DARS1: variants seen among roughly 807,000 people sequenced by gnomAD.
DARS1 encodes aspartyl-tRNA synthetase 1.
Under a neutral mutation model 68.8 loss-of-function variants are expected in DARS1, and 51 were observed. The ratio of observed to expected loss-of-function variants is 0.74; its 90% CI spans 0.59 to 0.94. The LOEUF is 0.94. Ranked by LOEUF, DARS1 falls within the 40% of genes least tolerant of loss-of-function variation. DARS1 has a pLI of 0.00. For synonymous variants in DARS1, 203 were observed against 190.4 expected (o/e 1.07, Z -0.55); for missense variants, 607 against 597.3 (o/e 1.02, Z -0.17).
At position 135,907,040 on chromosome 2, in the gene DARS1, T is replaced by C. The variant is rs1575379416; in HGVS notation, c.*276A>G. On this transcript the variant is annotated 3_prime_UTR_variant, in exon 16 of 16. Transcript: ENST00000264161. ...AGTAACAGAATATGAATTTGTAACA[T>C]AACCATATGAATTTCTCAAGTTATT... 3 of 217,300 alleles carry C rather than the reference T, an allele frequency of 1.4e-5. No individual in the cohort carries two copies. The East Asian group carries it at 3.2e-4, about 23-fold the overall frequency. The allele number at this position is 217,300 out of a possible 1,614,324, so 13.5% of individuals were successfully genotyped here. A position where few individuals can be genotyped will look rare whatever the true frequency, so the allele number is the denominator to read the frequency against.
chr2:135,951,074 AT>A (rs1451061318), intron 4 of DARS1, among the ~76,000 whole-genome samples: 1 of 152,204 alleles, frequency 6.6e-6, no homozygotes, highest in East Asian at 1.9e-4. Context: ...GGGGAGGCAG[AT>A]TGGTGGAAAT....
intron 5 of DARS1, among the ~76,000 whole-genome samples, chr2:135,938,547 T>A (rs898503092): frequency 1.3e-5 from 2 of 152,200 alleles, no homozygotes; most frequent in Non-Finnish European, 2.9e-5. Flanking sequence ...AGGAGCTGCG[T>A]TCCTTTGGAG....
Position 135,907,291 on chromosome 2 carries a change from T to A in DARS1, c.*25A>T. The A allele has an allele frequency of 7.7e-7, 1 of 1,303,364 alleles. No homozygotes were observed. 80.7% of individuals were successfully genotyped at this position (1,303,364 alleles called of 1,614,324 possible). A position where few individuals can be genotyped will look rare whatever the true frequency, so the allele number is the denominator to read the frequency against. Reference sequence around the variant, plus strand: ...CAGGGTCTCGCTCTGTCATCCACACTGGAGTTAAGTGGCAAAGTGTGAATT... The same window carrying A: ...CAGGGTCTCGCTCTGTCATCCACACAGGAGTTAAGTGGCAAAGTGTGAATT... On this transcript the variant is annotated 3_prime_UTR_variant, in exon 16 of 16. Transcript: ENST00000264161.
At chr2:135,974,191 A>C (rs1342317153) in intron 3 of DARS1, among the ~76,000 whole-genome samples, 1 of 152,204 alleles carries the variant, frequency 6.6e-6, no homozygotes, top group Non-Finnish European at 1.5e-5. Context: ...ACTGTGTTTG[A>C]CTTTAATTGG....
At chr2:135,971,755 C>T (rs1682375081) in intron 3 of DARS1, among the ~76,000 whole-genome samples, 1 of 151,932 alleles carries the variant, frequency 6.6e-6, no homozygotes, top group Non-Finnish European at 1.5e-5. Flanking sequence ...TTGAAGGATA[C>T]AAAATCAACA....
chr2:135,909,382 TTGTA>T, intron 15 of DARS1, among the ~76,000 whole-genome samples: 1 of 152,332 alleles, frequency 6.6e-6, no homozygotes, highest in Admixed American at 6.5e-5. Flanking sequence ...TTGACAAAAA[TTGTA>T]TGTATTTACA....
intron 10 of DARS1, 110 bp from the exon 11 acceptor site, chr2:135,916,482 G>A (rs1223302164): frequency 2.2e-5 from 11 of 499,082 alleles, no homozygotes; most frequent in African/African-American, 5.8e-5. Context: ...ATATACACCA[G>A]GAAAAGCATT....
At chr2:135,912,384 C>T in intron 13 of DARS1, 102 bp downstream of exon 13, 1 of 537,662 alleles carries the variant, frequency 1.9e-6, no homozygotes. Flanking sequence ...ATCAAAACTG[C>T]AAATTATTAA....
chr2:135,975,078 C>T (rs1244736532), intron 3 of DARS1, among the ~76,000 whole-genome samples: 2 of 152,184 alleles, frequency 1.3e-5, no homozygotes, highest in Non-Finnish European at 2.9e-5. Flanking sequence ...GGCATAGTGG[C>T]TCACGCCTGT....
In DARS1 at chr2:135,979,332, T is replaced by G. The variant is rs770561522; in HGVS notation, c.159A>C (p.Ile53=). ...CCCAAACAACTTCATCAGCTTTTTG[T>G]ATTGTCAAGTCTCTAACCCGAACCA... ...RVLVRVRDLT[I]QKADEVVWVR... The change falls in exon 3 of 16, where the codon ATA becomes ATC. Residue 53 remains isoleucine (I), a synonymous_variant. Coordinates refer to ENST00000264161, the MANE Select transcript of DARS1 (RefSeq NM_001349.4). 2.0e-6 allele frequency: 3 copies of G among 1,502,956 alleles called. No individual in the cohort carries two copies. The Admixed American group carries it at 5.0e-5, about 25-fold the overall frequency. 93.1% of individuals were successfully genotyped at this position (1,502,956 alleles called of 1,614,324 possible). A position where few individuals can be genotyped will look rare whatever the true frequency, so the allele number is the denominator to read the frequency against.
chr2:135,968,912 C>T (rs1682300758), intron 3 of DARS1, among the ~76,000 whole-genome samples: 1 of 152,060 alleles, frequency 6.6e-6, no homozygotes, highest in Non-Finnish European at 1.5e-5. Flanking sequence ...TCCACCCTGC[C>T]TAAGCCCCTG....
intron 5 of DARS1, among the ~76,000 whole-genome samples, chr2:135,942,205 G>A (rs1024979892): frequency 1.1e-4 from 16 of 152,026 alleles, no homozygotes; most frequent in African/African-American, 3.9e-4. Context: ...ACATGCACAC[G>A]TACGTTTATT....
intron 10 of DARS1, among the ~76,000 whole-genome samples, chr2:135,916,774 A>G (rs2104797124): frequency 6.6e-6 from 1 of 152,314 alleles, no homozygotes; most frequent in East Asian, 1.9e-4. Context: ...GGGGAGTGCC[A>G]GTTTCTTTCC....
At chr2:135,979,248 A>G (rs1235513135) in intron 3 of DARS1, 26 bp downstream of exon 3, 1 of 965,058 alleles carries the variant, frequency 1.0e-6, no homozygotes, top group Non-Finnish European at 1.7e-6. Context: ...TTACCGAAAG[A>G]GCTTTAATAA....
At chr2:135,934,795 ATT>A (rs1014128109) in intron 5 of DARS1, among the ~76,000 whole-genome samples, 9 of 138,412 alleles carry the variant, frequency 6.5e-5, no homozygotes, top group Admixed American at 7.3e-5. Context: ...ACTTGCTATC[ATT>A]TTTTTTTTTT....
Position 135,907,189 on chromosome 2 carries a change from C to A in DARS1, c.*127G>T. ...TTATTCTAGTGCATATTTTAAGTACCTAAAGTACAGCCTGTGCACTAGCAG... is the reference window on the plus strand; with the variant it reads ...TTATTCTAGTGCATATTTTAAGTACATAAAGTACAGCCTGTGCACTAGCAG... On this transcript the variant is annotated 3_prime_UTR_variant, in exon 16 of 16. Coordinates refer to ENST00000264161, the MANE Select transcript of DARS1 (RefSeq NM_001349.4). 1 of 547,056 alleles carries A rather than the reference C, an allele frequency of 1.8e-6. No individual in the cohort carries two copies. 33.9% of individuals were successfully genotyped at this position (547,056 alleles called of 1,614,324 possible).
At chr2:135,969,288 T>A (rs924333414) in intron 3 of DARS1, among the ~76,000 whole-genome samples, 5 of 151,706 alleles carry the variant, frequency 3.3e-5, no homozygotes, top group Admixed American at 3.3e-4. Context: ...CATACACACA[T>A]CCAAAATAAA....
chr2:135,911,221 A>C lies in DARS1; in HGVS notation c.1343-11T>G. The C allele has an allele frequency of 7.2e-7, 1 of 1,387,558 alleles. No individual in the cohort carries two copies. Among genetic ancestry groups the C allele is most frequent in the Non-Finnish European group, 1.0e-6 (1 of 975,746 alleles). The allele number at this position is 1,387,558 out of a possible 1,614,324, so 86.0% of individuals were successfully genotyped here. Reference sequence around the variant, plus strand: ...TAATTTTCTCCAAATCTGCAAAAAGACACAAAACAAAATATAATTTATCAT... The same window carrying C: ...TAATTTTCTCCAAATCTGCAAAAAGCCACAAAACAAAATATAATTTATCAT... On this transcript the variant is annotated splice_polypyrimidine_tract_variant and intron_variant, in intron 14 of 15. Coordinates refer to ENST00000264161, the MANE Select transcript of DARS1 (RefSeq NM_001349.4).
At chr2:135,975,179 C>T (rs957329852) in intron 3 of DARS1, among the ~76,000 whole-genome samples, 17 of 151,808 alleles carry the variant, frequency 1.1e-4, no homozygotes. Context: ...CCCGTCTCTA[C>T]TAAAAATACA....
Sources: allele counts gnomAD v4.1 joint callset (sites outside exome capture counted in the v4.1 genomes callset), GRCh38; gene constraint gnomAD v4.1.1; transcripts MANE v1.5; gene names NCBI Gene and HGNC (gene_info 2026-07-23, HGNC 2026-07-21).